Variants in NOL4 observed in about 807,000 individuals in gnomAD.
The protein encoded by NOL4 is nucleolar protein 4, also known as cancer/testis antigen 125.
In NOL4, 17 loss-of-function variants were observed where a neutral mutation model predicts 75.9. The ratio of observed to expected loss-of-function variants is 0.22; its 90% CI spans 0.15 to 0.34. The LOEUF (loss-of-function observed/expected upper bound fraction) is 0.34, where lower values mean the gene tolerates loss of function less well. Ranked by LOEUF, NOL4 falls within the 10% of genes least tolerant of loss-of-function variation. The pLI is 1.00. For synonymous variants in NOL4, 292 were observed against 289.9 expected (o/e 1.01, Z -0.07); for missense variants, 614 against 793.5 (o/e 0.77, Z 2.72).
At chr18:34,095,445 G>A (rs2078734790) in intron 4 of NOL4, among the ~76,000 whole-genome samples, 1 of 151,974 alleles carries the variant, frequency 6.6e-6, no homozygotes, top group African/African-American at 2.4e-5. Context: ...TTTCTGTGAT[G>A]TCATAGTATT....
chr18:33,940,604 G>A (rs1318653642), intron 9 of NOL4, among the ~76,000 whole-genome samples: 1 of 151,918 alleles, frequency 6.6e-6, no homozygotes, highest in Non-Finnish European at 1.5e-5. Flanking sequence ...TGTAGATGAT[G>A]GGTTGATGGG....
Position 34,040,959 on chromosome 18 carries a change from G to A in NOL4, c.773-21358C>T, listed in dbSNP as rs560992546. The stretch of plus-strand genomic sequence containing the variant: ...GTGCAGAGAACATTTAAGTTGGCAA[G>A]GAACACTCCAGATAATTTTGTCTGA... On this transcript the variant is annotated intron_variant, in intron 5 of 10. Coordinates refer to ENST00000261592, the MANE Select transcript of NOL4 (RefSeq NM_003787.5). Among the ~76,000 whole-genome samples the A allele has an allele frequency of 2.2e-3, 329 of 151,972 alleles. 1 individual carries two copies. The highest frequency in any genetic ancestry group is 3.3e-3 in the South Asian group (16 of 4,814).
intron 9 of NOL4, among the ~76,000 whole-genome samples, chr18:33,925,489 A>C (rs1221678650): frequency 1.3e-5 from 2 of 152,228 alleles, no homozygotes; most frequent in African/African-American, 4.8e-5. Flanking sequence ...GACTCAAAAA[A>C]TCCTGACAGA....
At chr18:34,199,261 C>T (rs529244394) in intron 1 of NOL4, among the ~76,000 whole-genome samples, 4 of 151,046 alleles carry the variant, frequency 2.6e-5, no homozygotes, top group South Asian at 2.1e-4. Context: ...AACTTCATAC[C>T]TTATGTGGTA....
intron 1 of NOL4, among the ~76,000 whole-genome samples, chr18:34,219,241 T>G (rs1442747532): frequency 1.3e-5 from 2 of 152,246 alleles, no homozygotes; most frequent in African/African-American, 4.8e-5. Context: ...TTTAGACCTT[T>G]GTGTCTGTTC....
At chr18:34,024,191 AAAAATATATATAT>A (rs1282485306) in intron 5 of NOL4, among the ~76,000 whole-genome samples, 1 of 113,882 alleles carries the variant, frequency 8.8e-6, no homozygotes, top group Non-Finnish European at 1.9e-5. Context: ...GAAAAAAAAA[AAAAATATATATAT>A]ATATATATAT....
intron 1 of NOL4, among the ~76,000 whole-genome samples, chr18:34,211,154 T>G (rs1295394831): frequency 6.6e-6 from 1 of 151,982 alleles, no homozygotes; most frequent in Non-Finnish European, 1.5e-5. Flanking sequence ...AGAAAAATCC[T>G]CCTTTAATAG....
intron 1 of NOL4, among the ~76,000 whole-genome samples, chr18:34,146,026 G>A (rs975696353): frequency 3.3e-5 from 5 of 152,008 alleles, no homozygotes; most frequent in Non-Finnish European, 2.9e-5. Flanking sequence ...ATCCCCATGC[G>A]AAAAGAAGAC....
chr18:33,950,730 T>C (rs2069160292), intron 8 of NOL4, among the ~76,000 whole-genome samples: 1 of 152,152 alleles, frequency 6.6e-6, no homozygotes, highest in South Asian at 2.1e-4. Context: ...AAGAGAGATT[T>C]GAGGCTGCTG....
At chr18:33,858,453 C>A (rs2062935259) in intron 10 of NOL4, among the ~76,000 whole-genome samples, 1 of 151,682 alleles carries the variant, frequency 6.6e-6, no homozygotes, top group African/African-American at 2.4e-5. Flanking sequence ...GATAAAGTAT[C>A]CATCCAGCAC....
intron 1 of NOL4, among the ~76,000 whole-genome samples, chr18:34,163,263 A>C (rs1026800801): frequency 1.3e-5 from 2 of 152,084 alleles, no homozygotes; most frequent in African/African-American, 4.8e-5. Context: ...GGCGAAGGAA[A>C]TAAAGGGTAT....
intron 5 of NOL4, among the ~76,000 whole-genome samples, chr18:34,076,200 C>T (rs772976133): frequency 5.3e-5 from 8 of 152,156 alleles, no homozygotes; most frequent in South Asian, 2.1e-4. Context: ...CTCTCCCCTA[C>T]GCAAATGCAG....
intron 5 of NOL4, among the ~76,000 whole-genome samples, chr18:34,044,289 GAAAAT>G (rs958385429): frequency 6.6e-5 from 10 of 151,892 alleles, no homozygotes; most frequent in Non-Finnish European, 1.0e-4. Context: ...CATATGAAAA[GAAAAT>G]AAAATACTTT....
At chr18:34,004,392 T>C (rs1359981351) in intron 6 of NOL4, among the ~76,000 whole-genome samples, 2 of 152,138 alleles carry the variant, frequency 1.3e-5, no homozygotes, top group Admixed American at 1.3e-4. Context: ...AGAGTTTGAT[T>C]CTTTTTGTCA....
intron 10 of NOL4, among the ~76,000 whole-genome samples, chr18:33,856,000 CT>C (rs1303549569): frequency 6.6e-6 from 1 of 151,886 alleles, no homozygotes; most frequent in Non-Finnish European, 1.5e-5. Flanking sequence ...TGTAAATTCT[CT>C]TTGAAAGACT....
intron 6 of NOL4, among the ~76,000 whole-genome samples, chr18:33,974,620 A>G (rs2071349310): frequency 6.6e-6 from 1 of 152,190 alleles, no homozygotes; most frequent in South Asian, 2.1e-4. Flanking sequence ...ACAGTAACAG[A>G]TACAATAATA....
chr18:34,102,034 G>A (rs923261854), intron 4 of NOL4, among the ~76,000 whole-genome samples: 1 of 150,814 alleles, frequency 6.6e-6, no homozygotes, highest in African/African-American at 2.4e-5. Context: ...CCTGCCTCAG[G>A]AAGTTTTCAC....
At chr18:34,076,402 C>A (rs2077747255) in intron 5 of NOL4, among the ~76,000 whole-genome samples, 1 of 152,168 alleles carries the variant, frequency 6.6e-6, no homozygotes, top group Non-Finnish European at 1.5e-5. Context: ...TCTACTTACT[C>A]CAAAGGTCAT....
At chr18:34,115,709 A>G (rs2079822006) in intron 2 of NOL4, among the ~76,000 whole-genome samples, 1 of 151,962 alleles carries the variant, frequency 6.6e-6, no homozygotes, top group East Asian at 1.9e-4. Flanking sequence ...TCCCTGAAGA[A>G]CGGTAACCCT....
Sources: gnomAD v4.1 joint callset for allele counts (sites outside exome capture counted in the v4.1 genomes callset) on GRCh38, gnomAD v4.1.1 for gene constraint, MANE v1.5 for transcripts, NCBI Gene and HGNC (gene_info 2026-07-23, HGNC 2026-07-21) for gene names.